The following IL7 variants were observed in gnomAD, a reference collection of about 807,000 sequenced individuals.
IL7 encodes the protein interleukin 7.
A neutral mutation model predicts 21.6 loss-of-function variants in IL7; 3 were observed. The observed-to-expected ratio is 0.14, with a 90% CI of 0.06 to 0.36. The LOEUF (loss-of-function observed/expected upper bound fraction) is 0.36. Among genes scored for constraint, IL7 ranks in the 10% least tolerant of loss-of-function variants. IL7 has a pLI of 1.00. For missense variants in IL7, 175 were observed against 200.2 expected, an observed-to-expected ratio of 0.87 and a Z score of 0.76; for synonymous variants, 62 against 68.1, an observed-to-expected ratio of 0.91 and a Z score of 0.44.
intron 2 of IL7, among the ~76,000 whole-genome samples, chr8:78,754,521 CAG>C (rs1434894392): frequency 1.1e-4 from 17 of 152,208 alleles, no homozygotes; most frequent in African/African-American, 4.1e-4. Flanking sequence ...AAATTCTTCA[CAG>C]AGTTAGAAAA....
intron 2 of IL7, among the ~76,000 whole-genome samples, chr8:78,759,579 T>A (rs1398326016): frequency 2.0e-5 from 3 of 152,162 alleles, no homozygotes; most frequent in East Asian, 3.9e-4. Context: ...ACAGCAGGCT[T>A]TTCCATTCAA....
chr8:78,763,450 T>C (rs896545233), intron 2 of IL7, among the ~76,000 whole-genome samples: 4 of 152,192 alleles, frequency 2.6e-5, no homozygotes, highest in Admixed American at 6.5e-5. Flanking sequence ...TAGATTTAGA[T>C]TGGTATTAAG....
intron 3 of IL7, among the ~76,000 whole-genome samples, chr8:78,709,890 A>G (rs1004812872): frequency 6.6e-6 from 1 of 152,302 alleles, no homozygotes; most frequent in Non-Finnish European, 1.5e-5. Flanking sequence ...ACCATCCGGT[A>G]AATTCTTTTC....
intron 2 of IL7, among the ~76,000 whole-genome samples, chr8:78,794,036 A>C (rs1249573996): frequency 6.6e-6 from 1 of 152,066 alleles, no homozygotes; most frequent in African/African-American, 2.4e-5. Flanking sequence ...TTCTCTTGCT[A>C]TTTCTACCAT....
In IL7 at chr8:78,805,095, C is replaced by T; in HGVS notation, c.-173G>A. ...ACCCACGCCGCGACTGCAGTTTCAT[C>T]CATCCCAAGGGGGGCGGCACACACT... is the stretch of plus-strand genomic sequence containing the variant. On this transcript the variant is annotated 5_prime_UTR_variant, in exon 1 of 6. Transcript: ENST00000263851. 1 of 630,242 alleles carries T rather than the reference C, an allele frequency of 1.6e-6. No individual in the cohort carries two copies. The highest frequency in any genetic ancestry group is 2.1e-5 in the South Asian group (1 of 47,240). 39.0% of individuals were successfully genotyped at this position (630,242 alleles called of 1,614,324 possible).
chr8:78,715,314 G>T (rs1328461209), downstream of IL7: 1 of 1,612,596 alleles, frequency 6.2e-7, no homozygotes, highest in African/African-American at 1.3e-5. Flanking sequence ...CATATACTGA[G>T]AGCTACATAG....
chr8:78,760,417 G>T (rs41308467), intron 2 of IL7: 121,648 of 1,598,332 alleles, frequency 0.076, 6,303 homozygotes, highest in East Asian at 0.26. Flanking sequence ...AAAACTTGAT[G>T]TCAGGCAGTT....
rs180703010 is a variant in IL7 at position 78,735,160 on chromosome 8, A to T, written c.414+1314T>A. 4.0e-3 allele frequency among the ~76,000 whole-genome samples: 610 copies of T among 152,050 alleles called. 7 individuals carry two copies. Among genetic ancestry groups the T allele is most frequent in the Admixed American group, 7.2e-3 (110 of 15,258 alleles). ...GCCTAAGCAGATTTGAAATATACAG[A>T]TGTGAAAATTTCATACTTTTCCTTG... is the stretch of plus-strand genomic sequence containing the variant. On this transcript the variant is annotated intron_variant, in intron 5 of 5. Coordinates refer to ENST00000263851, the MANE Select transcript of IL7 (RefSeq NM_000880.4).
chr8:78,691,255 T>A (rs561150392), intron 3 of IL7, among the ~76,000 whole-genome samples: 1 of 141,678 alleles, frequency 7.1e-6, no homozygotes, highest in East Asian at 1.9e-4. Flanking sequence ...CTCTTTAGTT[T>A]TGCCAGCTTT....
chr8:78,773,646 G>GA (rs763525326), intron 2 of IL7, among the ~76,000 whole-genome samples: 8 of 152,118 alleles, frequency 5.3e-5, no homozygotes, highest in Non-Finnish European at 7.4e-5. Flanking sequence ...CCCACATAAG[G>GA]AATTAGTCCT....
downstream of IL7, chr8:78,717,781 CTGT>C (rs1023978381): frequency 4.8e-6 from 1 of 207,390 alleles, no homozygotes; most frequent in African/African-American, 2.3e-5. Flanking sequence ...TGTTACTTTT[CTGT>C]TGTTGTTAAA....
rs969609541 is a variant in IL7 at position 78,752,929 on chromosome 8, ATTTT to A, written c.148-12851_148-12848del. ...TCCCTGCAAAGGACATGAACTCATT[ATTTT>A]TTATGGCTGTATAGTATTCCATGGT... is the stretch of plus-strand genomic sequence containing the variant. On this transcript the variant is annotated intron_variant, in intron 2 of 5. Transcript: ENST00000263851. Among the ~76,000 whole-genome samples, 696 of 152,066 alleles carry A rather than the reference ATTTT, an allele frequency of 4.6e-3. 4 individuals are homozygous for A. Among genetic ancestry groups the A allele is most frequent in the African/African-American group, 0.016 (648 of 41,488 alleles).
chr8:78,682,129 T>A (rs764497804), intron 4 of IL7, among the ~76,000 whole-genome samples: 1 of 152,150 alleles, frequency 6.6e-6, no homozygotes, highest in Non-Finnish European at 1.5e-5. Flanking sequence ...AATAGTTGGG[T>A]ATCTCAATAA....
rs1586126259 is a variant in IL7, at chr8:78,804,930, G to C, written c.-8C>G. On this transcript the variant is annotated 5_prime_UTR_variant, in exon 1 of 6. Coordinates refer to ENST00000263851, the MANE Select transcript of IL7 (RefSeq NM_000880.4). ...GCGCTTACCATGGAACATGGTCTGC[G>C]GGAGGCGGGCGTAGTCATGATGACC... 3.1e-6 allele frequency: 5 copies of C among 1,612,156 alleles called. No individual in the cohort carries two copies. The highest frequency in any genetic ancestry group is 2.2e-5 in the East Asian group (1 of 44,780).
chr8:78,764,651 C>T (rs1223881103), intron 2 of IL7, among the ~76,000 whole-genome samples: 1 of 151,640 alleles, frequency 6.6e-6, no homozygotes, highest in African/African-American at 2.4e-5. Flanking sequence ...ATGAGGAAAA[C>T]TACAAAACTC....
chr8:78,683,671 A>C (rs1468253383), intron 4 of IL7, among the ~76,000 whole-genome samples: 1 of 152,072 alleles, frequency 6.6e-6, no homozygotes, highest in Non-Finnish European at 1.5e-5. Flanking sequence ...TGTCTTGGTG[A>C]TTAACATTCC....
chr8:78,765,882 T>C (rs1303990150), intron 2 of IL7, among the ~76,000 whole-genome samples: 1 of 152,130 alleles, frequency 6.6e-6, no homozygotes. Flanking sequence ...TGAATAATTA[T>C]AGCAGCTTTA....
chr8:78,732,597 A>G (rs1467865783), downstream of IL7, among the ~76,000 whole-genome samples: 1 of 152,190 alleles, frequency 6.6e-6, no homozygotes, highest in African/African-American at 2.4e-5. Context: ...ATTTCCAGAC[A>G]AGTTTCTTTT....
At chr8:78,799,297 A>G (rs1305474577) in intron 1 of IL7, among the ~76,000 whole-genome samples, 9 of 152,202 alleles carry the variant, frequency 5.9e-5, no homozygotes, top group African/African-American at 1.9e-4. Flanking sequence ...TAGGGATATC[A>G]TAAAGTTTCC....
Sources: allele counts gnomAD v4.1 joint callset (sites outside exome capture counted in the v4.1 genomes callset), GRCh38; gene constraint gnomAD v4.1.1; transcripts MANE v1.5; gene names NCBI Gene and HGNC (gene_info 2026-07-23, HGNC 2026-07-21).